The following LIMK1 variants were observed in gnomAD, a reference collection of about 807,000 sequenced individuals.
The protein encoded by LIMK1 is LIM domain kinase 1.
A neutral mutation model predicts 77.6 loss-of-function variants in LIMK1; 21 were observed. That is an observed-to-expected ratio of 0.27 (90% CI 0.19 to 0.39). The LOEUF is 0.39. Among genes scored for constraint, LIMK1 ranks in the 10% least tolerant of loss-of-function variants. The pLI is 1.00. For synonymous variants in LIMK1, 358 were observed against 370.0 expected, an observed-to-expected ratio of 0.97 and a Z score of 0.37; for missense variants, 696 against 901.6, an observed-to-expected ratio of 0.77 and a Z score of 2.92.
chr7:74,110,023 A>G (rs1799663060), intron 10 of LIMK1: 1 of 152,096 alleles, frequency 6.6e-6, no homozygotes, highest in African/African-American at 2.4e-5. Flanking sequence ...GTAACTTGAC[A>G]CAACGGGTTC....
At chr7:74,096,147 T>C (rs1554695563) in intron 2 of LIMK1, among the ~76,000 whole-genome samples, 2 of 151,574 alleles carry the variant, frequency 1.3e-5, no homozygotes, top group African/African-American at 4.8e-5. Context: ...GTATTTTTAG[T>C]GGAGACTGGG....
chr7:74,085,604 C>T lies in LIMK1; in HGVS notation c.56-144C>T, dbSNP rs557836279. On this transcript the variant is annotated intron_variant, in intron 1 of 15. Transcript: ENST00000336180. ...CCCTTTCTTCTCCTATTTGGCACAG[C>T]GACTGCCCTGCCTGGGCGCTGCACA... The T allele has an allele frequency of 1.4e-3, 1,004 of 703,074 alleles. 6 individuals are homozygous for T. The highest frequency in any genetic ancestry group is 1.7e-4 in the Non-Finnish European group (68 of 396,906). 43.6% of individuals were successfully genotyped at this position (703,074 alleles called of 1,614,324 possible). A position where few individuals can be genotyped will look rare whatever the true frequency, so the allele number is the denominator to read the frequency against.
chr7:74,116,145 G>A (rs1799803329), intron 13 of LIMK1, among the ~76,000 whole-genome samples, 187 bp downstream of exon 13: 1 of 152,208 alleles, frequency 6.6e-6, no homozygotes, highest in Non-Finnish European at 1.5e-5. Flanking sequence ...TGTAATCCCA[G>A]CACTTTGGGA....
At chr7:74,092,158 G>T (rs1240261332) in intron 2 of LIMK1, among the ~76,000 whole-genome samples, 1 of 151,792 alleles carries the variant, frequency 6.6e-6, no homozygotes, top group Non-Finnish European at 1.5e-5. Context: ...TAGAGACGGG[G>T]TTTCACCATG....
At chr7:74,112,276 A>T (rs1799714972) in intron 12 of LIMK1, among the ~76,000 whole-genome samples, 1 of 152,174 alleles carries the variant, frequency 6.6e-6, no homozygotes, top group African/African-American at 2.4e-5. Context: ...AGAAAGTGAC[A>T]TGTAAGCTAC....
chr7:74,085,582 TTTC>T (rs1425517405), intron 1 of LIMK1, among the ~76,000 whole-genome samples, 163 bp from the exon 2 acceptor site: 1 of 152,228 alleles, frequency 6.6e-6, no homozygotes, highest in Non-Finnish European at 1.5e-5. Context: ...GCCAGCGCCC[TTTC>T]TTCTCCTATT....
chr7:74,103,698 G>T (rs2115692912), intron 5 of LIMK1, among the ~76,000 whole-genome samples: 1 of 152,176 alleles, frequency 6.6e-6, no homozygotes, highest in Non-Finnish European at 1.5e-5. Flanking sequence ...TTATTACTAG[G>T]GTGGCTACCA....
chr7:74,106,104 C>A lies in LIMK1; in HGVS notation c.742C>A (p.Arg248Ser). Residue 248 changes from arginine to serine, a missense_variant, in exon 7 of 16, where the codon CGC becomes AGC. Coordinates refer to ENST00000336180, the MANE Select transcript of LIMK1 (RefSeq NM_002314.4). Reference protein sequence around the residue: ...EIDLLIQETSRLLQLTLEHDP... With the variant: ...EIDLLIQETSSLLQLTLEHDP... ...TGACCTGCTGATTCAGGAAACCAGC[C>A]GCCTGCTCCAGCTGACCCTCGAGCA... 1 of 1,614,086 alleles carries A rather than the reference C, an allele frequency of 6.2e-7. No homozygotes were observed. Among genetic ancestry groups the A allele is most frequent in the Non-Finnish European group, 8.5e-7 (1 of 1,180,012 alleles).
At chr7:74,093,502 T>C (rs924005971) in intron 2 of LIMK1, among the ~76,000 whole-genome samples, 1 of 152,190 alleles carries the variant, frequency 6.6e-6, no homozygotes, top group Non-Finnish European at 1.5e-5. Context: ...AGGCCGGTCC[T>C]CCACCTGCTG....
At chr7:74,116,576 G>A (rs1268114248) in intron 13 of LIMK1, among the ~76,000 whole-genome samples, 2 of 152,118 alleles carry the variant, frequency 1.3e-5, no homozygotes, top group African/African-American at 2.4e-5. Flanking sequence ...TTTCTGGCTC[G>A]TGGAGGCTTC....
At chr7:74,091,941 G>A (rs1364033440) in intron 2 of LIMK1, among the ~76,000 whole-genome samples, 2 of 148,198 alleles carry the variant, frequency 1.3e-5, no homozygotes, top group Admixed American at 6.8e-5. Flanking sequence ...GGAAGGTGCC[G>A]TTGGCTGTAC....
chr7:74,083,982 GT>G lies in LIMK1; in HGVS notation c.-8del, dbSNP rs782507891. 3.8e-6 allele frequency: 5 copies of G among 1,316,704 alleles called. No individual in the cohort carries two copies. The East Asian group carries it at 1.7e-4, about 45-fold the overall frequency. The allele number at this position is 1,316,704 out of a possible 1,614,324, so 81.6% of individuals were successfully genotyped here. ...CCAGCCCCGCCGGGCCCCGCCCCCC[GT>G]CGAGTGCATGAGGTTGACGCTACTT... is the stretch of plus-strand genomic sequence containing the variant. On this transcript the variant is annotated 5_prime_UTR_variant, in exon 1 of 16. Transcript: ENST00000336180.
intron 5 of LIMK1, among the ~76,000 whole-genome samples, chr7:74,104,443 T>C (rs967575087): frequency 6.6e-6 from 1 of 151,806 alleles, no homozygotes; most frequent in African/African-American, 2.4e-5. Context: ...CTGACCAACA[T>C]AGAGAAACCC....
intron 2 of LIMK1, among the ~76,000 whole-genome samples, chr7:74,087,511 G>A (rs782532502): frequency 1.3e-5 from 2 of 152,194 alleles, no homozygotes; most frequent in Admixed American, 6.6e-5. Context: ...AGGGTAGAAG[G>A]TGAAGCTTCT....
intron 2 of LIMK1, among the ~76,000 whole-genome samples, chr7:74,092,666 G>A (rs574155601): frequency 2.6e-5 from 4 of 152,282 alleles, no homozygotes; most frequent in African/African-American, 9.6e-5. Context: ...CAGGGCTGCC[G>A]CATCCCTGGT....
intron 9 of LIMK1, 64 bp downstream of exon 9, chr7:74,108,021 A>G: frequency 1.6e-6 from 2 of 1,237,258 alleles, no homozygotes; most frequent in Non-Finnish European, 2.3e-6. Context: ...CTGCCCCATC[A>G]ACACAGGTCG....
chr7:74,106,147 T>C lies in LIMK1; in HGVS notation c.785T>C (p.Leu262Pro). ...CTCGAGCATGACCCTCACGATACACTGGGCCACGGGCTGGGGCCTGAGACC... is the reference window on the plus strand; with the variant it reads ...CTCGAGCATGACCCTCACGATACACCGGGCCACGGGCTGGGGCCTGAGACC... ...LTLEHDPHDTLGHGLGPETSP... is the reference protein window; with the variant it reads ...LTLEHDPHDTPGHGLGPETSP... Residue 262 changes from leucine to proline, a missense_variant, in exon 7 of 16, where the codon CTG becomes CCG. Leu to Pro is a moderately conservative substitution (Grantham distance 98). Coordinates refer to ENST00000336180, the MANE Select transcript of LIMK1 (RefSeq NM_002314.4). 1 of 1,614,002 alleles carries C rather than the reference T, an allele frequency of 6.2e-7. No homozygotes were observed. The highest frequency in any genetic ancestry group is 8.5e-7 in the Non-Finnish European group (1 of 1,180,020).
chr7:74,107,180 G>A lies in LIMK1; in HGVS notation c.1052G>A (p.Gly351Asp). ...HGEVLGKGCF[G>D]QAIKVTHRET... ...GAGGTGCTGGGCAAGGGCTGCTTCG[G>A]CCAGGCTATCAAGGTACAGAGCATG... Residue 351 changes from glycine to aspartate, a missense_variant, in exon 8 of 16, where the codon GGC becomes GAC. Gly to Asp is a moderately conservative substitution (Grantham distance 94). This residue lies in a region of LIMK1 where 438 missense variants were observed against 602.3 expected (regional missense o/e 0.73). Coordinates refer to ENST00000336180, the MANE Select transcript of LIMK1 (RefSeq NM_002314.4). 1 of 1,610,438 alleles carries A rather than the reference G, an allele frequency of 6.2e-7. No homozygotes were observed. Among genetic ancestry groups the A allele is most frequent in the Non-Finnish European group, 8.5e-7 (1 of 1,178,940 alleles).
At chr7:74,112,782 G>A (rs782146521) in intron 12 of LIMK1, among the ~76,000 whole-genome samples, 3 of 151,744 alleles carry the variant, frequency 2.0e-5, no homozygotes, top group Admixed American at 6.6e-5. Context: ...CCAAGATCGC[G>A]CCACCGCACT....
Sources: allele counts gnomAD v4.1 joint callset (sites outside exome capture counted in the v4.1 genomes callset), GRCh38; gene constraint gnomAD v4.1.1; regional missense constraint gnomAD v4.1.1; transcripts MANE v1.5; gene names NCBI Gene and HGNC (gene_info 2026-07-23, HGNC 2026-07-21).